GRM7: variants seen among roughly 807,000 people sequenced by gnomAD.
The protein encoded by GRM7 is metabotropic glutamate receptor 7.
In GRM7, 35 loss-of-function variants were observed where a neutral mutation model predicts 84.5. That is an observed-to-expected ratio of 0.41 (90% CI 0.32 to 0.55). The LOEUF (loss-of-function observed/expected upper bound fraction) is 0.55. Among genes scored for constraint, GRM7 ranks in the 20% least tolerant of loss-of-function variants. The pLI, the probability that GRM7 is intolerant of heterozygous loss-of-function variation, is 0.19. For synonymous variants in GRM7, 487 were observed against 455.1 expected, an observed-to-expected ratio of 1.07 and a Z score of -0.89; for missense variants, 1,003 against 1,194.6, an observed-to-expected ratio of 0.84 and a Z score of 2.36.
At chr3:7,536,925 G>A (rs2125011462) in intron 7 of GRM7, among the ~76,000 whole-genome samples, 1 of 152,270 alleles carries the variant, frequency 6.6e-6, no homozygotes, top group Non-Finnish European at 1.5e-5. Flanking sequence ...AACACTTGGG[G>A]TAATTTTTAT....
rs888976721 is a variant in GRM7, at chr3:7,480,611, G to T, written c.1515+18889G>T. ...TTATACATATTATATCTCTTTCTTTGCATGCACTTGTGAGTAGTGATTCAT... is the reference window on the plus strand; with the variant it reads ...TTATACATATTATATCTCTTTCTTTTCATGCACTTGTGAGTAGTGATTCAT... On this transcript the variant is annotated intron_variant, in intron 7 of 9. Transcript: ENST00000357716. 2.0e-5 allele frequency among the ~76,000 whole-genome samples: 3 copies of T among 152,176 alleles called. No individual in the cohort carries two copies. In the South Asian group the frequency reaches 6.2e-4, roughly 32 times the overall value.
At chr3:6,950,984 C>G (rs1166730694) in intron 1 of GRM7, among the ~76,000 whole-genome samples, 4 of 152,208 alleles carry the variant, frequency 2.6e-5, no homozygotes, top group Admixed American at 6.5e-5. Context: ...AAAGGGAATT[C>G]CCTGACCCCT....
At chr3:7,082,692 C>T (rs1343934074) in intron 1 of GRM7, among the ~76,000 whole-genome samples, 1 of 151,996 alleles carries the variant, frequency 6.6e-6, no homozygotes, top group Non-Finnish European at 1.5e-5. Flanking sequence ...ATTCTAGATG[C>T]CATTAAGAAC....
chr3:7,384,287 C>A (rs1442819579), intron 4 of GRM7, among the ~76,000 whole-genome samples: 12 of 152,102 alleles, frequency 7.9e-5, no homozygotes, highest in African/African-American at 2.9e-4. Flanking sequence ...CCTTGACCCC[C>A]CAAAGTGCTG....
chr3:6,963,844 T>A (rs1575073780), intron 1 of GRM7, among the ~76,000 whole-genome samples: 1 of 152,184 alleles, frequency 6.6e-6, no homozygotes, highest in African/African-American at 2.4e-5. Context: ...GAGAAATATA[T>A]GCTTATTTTT....
At chr3:7,518,270 C>G (rs1439695523) in intron 7 of GRM7, among the ~76,000 whole-genome samples, 1 of 152,146 alleles carries the variant, frequency 6.6e-6, no homozygotes, top group Non-Finnish European at 1.5e-5. Flanking sequence ...GGAATTGTAA[C>G]TATGATAATG....
intron 1 of GRM7, among the ~76,000 whole-genome samples, chr3:6,925,790 T>C (rs921742768): frequency 6.6e-6 from 1 of 152,224 alleles, no homozygotes; most frequent in African/African-American, 2.4e-5. Flanking sequence ...CTTGTCCTGG[T>C]GGAACTGGAA....
chr3:6,874,075 C>T (rs1394627493), intron 1 of GRM7, among the ~76,000 whole-genome samples: 1 of 152,152 alleles, frequency 6.6e-6, no homozygotes, highest in Non-Finnish European at 1.5e-5. Flanking sequence ...TTTATTGTAA[C>T]CTCTCTAAGC....
At chr3:6,990,669 A>T (rs1694601305) in intron 1 of GRM7, among the ~76,000 whole-genome samples, 1 of 152,146 alleles carries the variant, frequency 6.6e-6, no homozygotes, top group Admixed American at 6.5e-5. Context: ...TCTATTCATT[A>T]TCTTCACACT....
At chr3:6,904,382 T>G (rs550724574) in intron 1 of GRM7, among the ~76,000 whole-genome samples, 19 of 152,296 alleles carry the variant, frequency 1.2e-4, no homozygotes, top group African/African-American at 4.3e-4. Flanking sequence ...ACATACTTCT[T>G]AGGTTAGTCA....
chr3:7,461,629 T>G lies in GRM7; in HGVS notation c.1422T>G (p.Pro474=), dbSNP rs147301131. The change falls in exon 7 of 10, where the codon CCT becomes CCG. Residue 474 remains proline (P), a synonymous_variant. Coordinates refer to ENST00000357716, the MANE Select transcript of GRM7 (RefSeq NM_000844.4). Reference sequence around the variant, plus strand: ...TGTTTAACAAGAACGGGGATGCACCTGGGCGTTATGACATCTTTCAGTACC... The same window carrying G: ...TGTTTAACAAGAACGGGGATGCACCGGGGCGTTATGACATCTTTCAGTACC... ...PVMFNKNGDA[P]GRYDIFQYQT... is the part of the protein sequence containing the mutation. The G allele has an allele frequency of 2.5e-6, 4 of 1,612,578 alleles. No individual in the cohort carries two copies. The highest frequency in any genetic ancestry group is 3.4e-6 in the Non-Finnish European group (4 of 1,178,734).
At chr3:6,906,932 A>T (rs1168541659) in intron 1 of GRM7, among the ~76,000 whole-genome samples, 1 of 152,224 alleles carries the variant, frequency 6.6e-6, no homozygotes, top group East Asian at 1.9e-4. Flanking sequence ...GAATTTGGAC[A>T]TATGCGAACA....
intron 1 of GRM7, among the ~76,000 whole-genome samples, chr3:6,924,503 T>C (rs1053224331): frequency 1.3e-5 from 2 of 152,070 alleles, no homozygotes; most frequent in East Asian, 1.9e-4. Context: ...CACCAAGACA[T>C]TGGTATATTT....
intron 9 of GRM7, among the ~76,000 whole-genome samples, chr3:7,733,968 A>G (rs1319667696): frequency 6.6e-6 from 1 of 152,190 alleles, no homozygotes; most frequent in Non-Finnish European, 1.5e-5. Context: ...GTCTTTGTAA[A>G]ATATCTTTAA....
chr3:7,726,839 G>T (rs1210238067), intron 9 of GRM7, among the ~76,000 whole-genome samples: 1 of 150,136 alleles, frequency 6.7e-6, no homozygotes, highest in Non-Finnish European at 1.5e-5. Flanking sequence ...GTCAAGATAC[G>T]ATTTTCCCAA....
At chr3:7,732,467 G>A (rs1702365266) in intron 9 of GRM7, among the ~76,000 whole-genome samples, 1 of 152,106 alleles carries the variant, frequency 6.6e-6, no homozygotes, top group Non-Finnish European at 1.5e-5. Context: ...TGGAGGGATA[G>A]GAAGGCCACT....
intron 4 of GRM7, among the ~76,000 whole-genome samples, chr3:7,413,670 G>A (rs1696038888): frequency 1.3e-5 from 2 of 152,028 alleles, no homozygotes; most frequent in South Asian, 4.1e-4. Context: ...TCTTCTACCT[G>A]TCGAACCACC....
At chr3:7,469,220 C>A (rs1026962391) in intron 7 of GRM7, among the ~76,000 whole-genome samples, 4 of 152,118 alleles carry the variant, frequency 2.6e-5, no homozygotes, top group African/African-American at 9.7e-5. Context: ...AGACTTCTAC[C>A]CAAGTTAGCA....
chr3:7,675,731 A>C (rs1700095631), intron 8 of GRM7, among the ~76,000 whole-genome samples: 1 of 152,230 alleles, frequency 6.6e-6, no homozygotes, highest in African/African-American at 2.4e-5. Context: ...ACCTATACAT[A>C]AAGAGTTTAA....
Sources: gnomAD v4.1 joint callset for allele counts (sites outside exome capture counted in the v4.1 genomes callset) on GRCh38, gnomAD v4.1.1 for gene constraint, MANE v1.5 for transcripts, NCBI Gene and HGNC (gene_info 2026-07-23, HGNC 2026-07-21) for gene names.